DGKB: variants seen among roughly 807,000 people sequenced by gnomAD.
DGKB encodes 90 kDa diacylglycerol kinase.
DGKB carries 67 observed loss-of-function variants against 114.3 expected under a neutral mutation model. That is an observed-to-expected ratio of 0.59 (90% CI 0.48 to 0.72). The LOEUF is 0.72. Ranked by LOEUF, DGKB falls within the 30% of genes least tolerant of loss-of-function variation. The pLI is 0.00. For missense variants in DGKB, 907 were observed against 975.2 expected (o/e 0.93, Z 0.93); for synonymous variants, 398 against 323.1 (o/e 1.23, Z -2.49).
At chr7:14,223,052 A>G (rs538516403) in intron 23 of DGKB, among the ~76,000 whole-genome samples, 1 of 151,656 alleles carries the variant, frequency 6.6e-6, no homozygotes, top group South Asian at 2.1e-4. Flanking sequence ...CCCTGAAGAG[A>G]GCATATAAAT....
chr7:14,416,393 G>C (rs1825735511), intron 21 of DGKB, among the ~76,000 whole-genome samples: 1 of 152,046 alleles, frequency 6.6e-6, no homozygotes, highest in Non-Finnish European at 1.5e-5. Context: ...AATGTATGCT[G>C]TTTAAAAACA....
chr7:14,777,349 T>C (rs1178257164), intron 2 of DGKB, among the ~76,000 whole-genome samples: 1 of 151,606 alleles, frequency 6.6e-6, no homozygotes, highest in African/African-American at 2.4e-5. Context: ...GGATATGAGA[T>C]TTGGGAGAGC....
intron 23 of DGKB, among the ~76,000 whole-genome samples, chr7:14,222,652 T>C (rs913335256): frequency 6.6e-6 from 1 of 151,484 alleles, no homozygotes; most frequent in Non-Finnish European, 1.5e-5. Flanking sequence ...ATTATATTGG[T>C]GTTTGTACAG....
At chr7:14,959,513 C>A (rs1275028550) in intron 1 of DGKB, among the ~76,000 whole-genome samples, 1 of 151,688 alleles carries the variant, frequency 6.6e-6, no homozygotes, top group Non-Finnish European at 1.5e-5. Flanking sequence ...GTATTTACAG[C>A]CCTAGGATTC....
intron 23 of DGKB, among the ~76,000 whole-genome samples, chr7:14,280,848 C>A (rs1381051388): frequency 1.3e-5 from 2 of 151,634 alleles, no homozygotes. Context: ...CCTAAAAGAG[C>A]TCCTGAAGGA....
chr7:14,152,870 C>T (rs1330187632), intron 25 of DGKB, among the ~76,000 whole-genome samples: 1 of 152,056 alleles, frequency 6.6e-6, no homozygotes, highest in Non-Finnish European at 1.5e-5. Flanking sequence ...GTTGATCTGG[C>T]TCTTACTGTG....
intron 1 of DGKB, among the ~76,000 whole-genome samples, chr7:14,958,475 A>ACACACACACACACC (rs1373524055): frequency 3.5e-5 from 5 of 144,272 alleles, no homozygotes; most frequent in Non-Finnish European, 4.6e-5. Flanking sequence ...ACACACACAC[A>ACACACACACACACC]CCCCGTCCAG....
chr7:14,877,134 T>G (rs1030567772), intron 1 of DGKB, among the ~76,000 whole-genome samples: 1 of 152,248 alleles, frequency 6.6e-6, no homozygotes, highest in Non-Finnish European at 1.5e-5. Context: ...GTTTTATAAC[T>G]ATATACCACA....
At chr7:14,836,205 A>G (rs1330270336) in intron 2 of DGKB, among the ~76,000 whole-genome samples, 1 of 152,198 alleles carries the variant, frequency 6.6e-6, no homozygotes, top group African/African-American at 2.4e-5. Flanking sequence ...CCTCACTGCA[A>G]TGGAAGAAAC....
chr7:14,812,016 T>C, intron 2 of DGKB, among the ~76,000 whole-genome samples: 1 of 152,166 alleles, frequency 6.6e-6, no homozygotes, highest in East Asian at 1.9e-4. Flanking sequence ...CGACTCTAGG[T>C]ATCTCGTGTA....
intron 1 of DGKB, among the ~76,000 whole-genome samples, chr7:14,885,277 C>T (rs1042752509): frequency 6.6e-6 from 1 of 151,910 alleles, no homozygotes; most frequent in Admixed American, 6.6e-5. Flanking sequence ...AAATAAATTT[C>T]CTGCACTCAA....
At chr7:14,868,622 C>G (rs1852022861) in intron 1 of DGKB, among the ~76,000 whole-genome samples, 1 of 152,188 alleles carries the variant, frequency 6.6e-6, no homozygotes, top group South Asian at 2.1e-4. Flanking sequence ...GCCCCTCATC[C>G]CAATTTCTTC....
intron 20 of DGKB, among the ~76,000 whole-genome samples, chr7:14,536,994 A>G (rs1323445235): frequency 6.6e-6 from 1 of 152,210 alleles, no homozygotes; most frequent in African/African-American, 2.4e-5. Flanking sequence ...GTAAACACAG[A>G]AAAAGCAGTT....
intron 1 of DGKB, among the ~76,000 whole-genome samples, chr7:14,917,423 C>T (rs908256898): frequency 6.6e-6 from 1 of 151,858 alleles, no homozygotes; most frequent in East Asian, 1.9e-4. Context: ...AAATTACTAA[C>T]ATCTGTAGCA....
intron 1 of DGKB, among the ~76,000 whole-genome samples, chr7:14,858,656 A>C (rs772771426): frequency 9.2e-5 from 14 of 152,242 alleles, no homozygotes; most frequent in South Asian, 2.1e-4. Flanking sequence ...TTAAGTTGTC[A>C]CGGTGTCAAA....
intron 1 of DGKB, among the ~76,000 whole-genome samples, chr7:14,845,076 C>T (rs556036432): frequency 1.5e-5 from 2 of 130,002 alleles, no homozygotes; most frequent in African/African-American, 6.0e-5. Flanking sequence ...CACTGTACTC[C>T]ATCCTCAGTG....
chr7:14,189,747 A>G (rs1784034062), intron 23 of DGKB, among the ~76,000 whole-genome samples: 1 of 152,222 alleles, frequency 6.6e-6, no homozygotes, highest in Non-Finnish European at 1.5e-5. Flanking sequence ...ATTGAACAGA[A>G]TAAGCCATAT....
chr7:14,571,328 G>T (rs6950634), intron 20 of DGKB, among the ~76,000 whole-genome samples: 78,840 of 152,008 alleles, frequency 0.52, 20,530 homozygotes, highest in East Asian at 0.6. Flanking sequence ...GAACTGACTT[G>T]ATTTGAAATG....
intron 25 of DGKB, 54 bp downstream of exon 25, chr7:14,176,785 A>G: frequency 6.3e-7 from 1 of 1,575,162 alleles, no homozygotes; most frequent in Non-Finnish European, 8.6e-7. Context: ...TTATTTAGTC[A>G]AAGAGGAAAG....
Sources: gnomAD v4.1 joint callset for allele counts (sites outside exome capture counted in the v4.1 genomes callset) on GRCh38, gnomAD v4.1.1 for gene constraint, MANE v1.5 for transcripts, NCBI Gene and HGNC (gene_info 2026-07-23, HGNC 2026-07-21) for gene names.